TCF20: variants seen among roughly 807,000 people sequenced by gnomAD.
TCF20 encodes transcription factor 20, also known as SPRE-binding protein.
In TCF20, 3 loss-of-function variants were observed where a neutral mutation model predicts 148.6. That is an observed-to-expected ratio of 0.02 (90% CI 0.01 to 0.05). The LOEUF is 0.05. TCF20 is among the 10% of genes least tolerant of loss of function. The probability of loss-of-function intolerance (pLI) is 1.00; values close to 1 mark genes in which losing one functional copy is unlikely to be tolerated. For missense variants in TCF20, 2,350 were observed against 2,429.3 expected (o/e 0.97, Z 0.69); for synonymous variants, 1,049 against 909.5 (o/e 1.15, Z -2.76).
At chr22:42,295,808 A>G (rs1927226034) in intron 1 of TCF20, among the ~76,000 whole-genome samples, 1 of 152,118 alleles carries the variant, frequency 6.6e-6, no homozygotes, top group East Asian at 1.9e-4. Context: ...ACCTCCTCAG[A>G]GAAGCCTTCC....
intron 1 of TCF20, among the ~76,000 whole-genome samples, chr22:42,231,889 A>G (rs1923439946): frequency 1.4e-5 from 2 of 147,982 alleles, no homozygotes; most frequent in Admixed American, 6.9e-5. Context: ...AGATCAAGCC[A>G]CCGCACTCCA....
At chr22:42,315,820 A>G in intron 1 of TCF20, among the ~76,000 whole-genome samples, 1 of 152,142 alleles carries the variant, frequency 6.6e-6, no homozygotes, top group Non-Finnish European at 1.5e-5. Context: ...AGGAGTAAAG[A>G]TATAAAGACA....
intron 2 of TCF20, among the ~76,000 whole-genome samples, chr22:42,198,120 A>G (rs747425752): frequency 2.6e-5 from 4 of 152,356 alleles, no homozygotes; most frequent in South Asian, 2.1e-4. Flanking sequence ...TACTTGAATA[A>G]ATTACATTAT....
intron 1 of TCF20, among the ~76,000 whole-genome samples, chr22:42,291,268 G>A (rs1399807148): frequency 6.6e-6 from 1 of 152,246 alleles, no homozygotes; most frequent in Non-Finnish European, 1.5e-5. Context: ...AGGAAAGTAA[G>A]TAAACCAATG....
At chr22:42,262,227 T>C (rs1001318927) in intron 1 of TCF20, among the ~76,000 whole-genome samples, 1 of 152,106 alleles carries the variant, frequency 6.6e-6, no homozygotes, top group Non-Finnish European at 1.5e-5. Flanking sequence ...TGAAGTGGAA[T>C]AGAGGCAGAC....
intron 1 of TCF20, among the ~76,000 whole-genome samples, chr22:42,309,098 G>T (rs1601701703): frequency 1.3e-5 from 2 of 152,134 alleles, no homozygotes; most frequent in African/African-American, 4.8e-5. Context: ...CCACAGAGAG[G>T]CTGGCCTGGA....
In TCF20 at chr22:42,210,758, GTTC is replaced by G; in HGVS notation, c.4545_4547del (p.Glu1515_Asn1516delinsAsp). 6.2e-7 allele frequency: 1 copy of G among 1,614,104 alleles called. No homozygotes were observed. Among genetic ancestry groups the G allele is most frequent in the Non-Finnish European group, 8.5e-7 (1 of 1,180,018 alleles). ...GCTTCGGTGAAATCGTCACTGTATCGTTCTCCTTCTCTTCAGCCTTGGGGTTTG... is the reference window on the plus strand; with the variant it reads ...GCTTCGGTGAAATCGTCACTGTATCGTCCTTCTCTTCAGCCTTGGGGTTTG... On this transcript the variant is annotated inframe_deletion, in exon 2 of 6. Coordinates refer to ENST00000677622, the MANE Select transcript of TCF20 (RefSeq NM_001378418.1). The surrounding 1 kb of genome is among the most constrained non-coding windows in gnomAD (Gnocchi z 4.7).
rs770002667 is a variant in TCF20, at chr22:42,210,836, G to A, written c.4470C>T (p.Ile1490=). The change falls in exon 2 of 6, where the codon ATC becomes ATT. Residue 1490 remains isoleucine, a synonymous_variant. Transcript: ENST00000677622. The surrounding 1 kb of genome is among the most constrained non-coding windows in gnomAD (Gnocchi z 4.7). ...DGSLGGTAPL[I]FPDSKNVPPV... is the part of the protein sequence containing the mutation. ...GAGGTACATTCTTTGAGTCTGGAAA[G>A]ATTAAAGGTGCTGTTCCACCCAGGG... 1.2e-6 allele frequency: 2 copies of A among 1,614,192 alleles called. No homozygotes were observed. Among genetic ancestry groups the A allele is most frequent in the Admixed American group, 1.7e-5 (1 of 60,024 alleles).
intron 1 of TCF20, among the ~76,000 whole-genome samples, chr22:42,249,778 A>G (rs1389485207): frequency 6.6e-6 from 1 of 152,246 alleles, no homozygotes; most frequent in East Asian, 1.9e-4. Flanking sequence ...GCTCCTTCAC[A>G]CATAGTGCCA....
chr22:42,263,632 AT>A (rs537962956), intron 1 of TCF20, among the ~76,000 whole-genome samples: 110 of 152,334 alleles, frequency 7.2e-4, no homozygotes, highest in African/African-American at 2.6e-3. Context: ...GGACCAAGGC[AT>A]AATTAGGATG....
chr22:42,308,789 G>T (rs1316661685), intron 1 of TCF20, among the ~76,000 whole-genome samples: 1 of 152,196 alleles, frequency 6.6e-6, no homozygotes. Flanking sequence ...CAGGACCACA[G>T]AGGCAGCTGG....
At chr22:42,328,639 C>T in intron 1 of TCF20, among the ~76,000 whole-genome samples, 1 of 152,242 alleles carries the variant, frequency 6.6e-6, no homozygotes, top group East Asian at 1.9e-4. Flanking sequence ...GTCACTTAAC[C>T]TCTCTGTGCC....
At position 42,209,665 on chromosome 22, in the gene TCF20, T is replaced by C. The variant is rs747853616; in HGVS notation, c.5641A>G (p.Ile1881Val). The change falls in exon 2 of 6, where the codon ATA becomes GTA. Residue 1881 changes from isoleucine (I) to valine (V), a missense_variant. Physicochemically the swap from Ile to Val is conservative, Grantham distance 29 (BLOSUM62 3). This residue lies in a region of TCF20 where 30 missense variants were observed against 59.5 expected (regional missense o/e 0.50). Coordinates refer to ENST00000677622, the MANE Select transcript of TCF20 (RefSeq NM_001378418.1). ...RLYGLQEALE[I>V]AREMKCSHCQ... is the part of the protein sequence containing the mutation. ...CTCATACTCACCATCTCTCTGGCTA[T>C]TTCCAGCGCTTCCTGCAGGCCATAG... 13 of 1,606,500 alleles carry C rather than the reference T, an allele frequency of 8.1e-6. No individual in the cohort carries two copies. In the East Asian group the frequency reaches 2.2e-4, roughly 28 times the overall value.
intron 1 of TCF20, among the ~76,000 whole-genome samples, chr22:42,225,677 C>T (rs1408929017): frequency 6.6e-6 from 1 of 151,116 alleles, no homozygotes. Flanking sequence ...AGTATCAGAG[C>T]TTTATCTGTT....
intron 1 of TCF20, among the ~76,000 whole-genome samples, chr22:42,246,826 C>G (rs1296932613): frequency 6.6e-6 from 1 of 151,786 alleles, no homozygotes; most frequent in Non-Finnish European, 1.5e-5. Context: ...ATTAGCCAGG[C>G]GTGGTGGCGG....
At chr22:42,326,138 G>C (rs1477622611) in intron 1 of TCF20, among the ~76,000 whole-genome samples, 1 of 151,968 alleles carries the variant, frequency 6.6e-6, no homozygotes, top group Admixed American at 6.6e-5. Context: ...TCCTCTCCTG[G>C]GGACAGCTAA....
chr22:42,260,452 G>T (rs138408812), intron 1 of TCF20, among the ~76,000 whole-genome samples: 1,654 of 152,264 alleles, frequency 0.011, 26 homozygotes, highest in African/African-American at 0.038. Flanking sequence ...GGCAAAAATA[G>T]GGGGTAGGAA....
intron 1 of TCF20, among the ~76,000 whole-genome samples, chr22:42,319,416 T>A (rs1927692627): frequency 6.6e-6 from 1 of 152,168 alleles, no homozygotes; most frequent in Admixed American, 6.5e-5. Flanking sequence ...GGGGCTCTCA[T>A]CGTGTGTGTT....
intron 1 of TCF20, among the ~76,000 whole-genome samples, chr22:42,340,700 G>A (rs1394722917): frequency 6.6e-6 from 1 of 152,182 alleles, no homozygotes; most frequent in African/African-American, 2.4e-5. Context: ...GTGCAGAGCA[G>A]TAGAGGGCCT....
Sources: allele counts gnomAD v4.1 joint callset (sites outside exome capture counted in the v4.1 genomes callset), GRCh38; gene constraint gnomAD v4.1.1; regional missense constraint gnomAD v4.1.1; non-coding constraint Gnocchi (gnomAD v3.1); transcripts MANE v1.5; gene names NCBI Gene and HGNC (gene_info 2026-07-23, HGNC 2026-07-21).